Variants in NCBP1 observed in about 807,000 individuals in gnomAD.
NCBP1 encodes nuclear cap-binding protein subunit 1.
NCBP1 carries 16 observed loss-of-function variants against 111.7 expected under a neutral mutation model. The ratio of observed to expected loss-of-function variants is 0.14; its 90% CI spans 0.10 to 0.22. The LOEUF (loss-of-function observed/expected upper bound fraction) is 0.22, where lower values mean the gene tolerates loss of function less well. Among genes scored for constraint, NCBP1 ranks in the 10% least tolerant of loss-of-function variants. NCBP1 has a pLI of 1.00. For missense variants in NCBP1, 607 were observed against 957.5 expected (o/e 0.63, Z 4.83); for synonymous variants, 304 against 314.3 (o/e 0.97, Z 0.35).
At chr9:97,636,268 T>A (rs537320005) in intron 1 of NCBP1, among the ~76,000 whole-genome samples, 255 of 152,026 alleles carry the variant, frequency 1.7e-3, no homozygotes, top group Non-Finnish European at 1.8e-3. Context: ...ATCTATTTTT[T>A]AAAAAATAAA....
rs765495860 is a variant in NCBP1, at chr9:97,669,021, C to G, written c.2145+47C>G. The G allele has an allele frequency of 4.6e-6, 7 of 1,512,596 alleles. No homozygotes were observed. In the South Asian group the frequency reaches 7.5e-5, roughly 16 times the overall value. 93.7% of individuals were successfully genotyped at this position (1,512,596 alleles called of 1,614,324 possible). On this transcript the variant is annotated intron_variant, in intron 21 of 22. Transcript: ENST00000375147. ...ATACATAAAAGGAAACAATACATTT[C>G]TTTAGTTTTAGTTTTTAAAAATGTT...
chr9:97,664,274 TG>T, intron 18 of NCBP1, 65 bp from the exon 19 acceptor site: 1 of 975,820 alleles, frequency 1.0e-6, no homozygotes, highest in Non-Finnish European at 1.5e-6. Context: ...AGCAGCAGTG[TG>T]GTGGCACATA....
rs1587724148 is a variant in NCBP1 at position 97,664,216 on chromosome 9, C to G, written c.1798-124C>G. On this transcript the variant is annotated intron_variant, in intron 18 of 22. Transcript: ENST00000375147. ...TAATGGTCAGATTGATCAATCAATTCCATAGCCACCAAAACTAAATTTTAT... is the reference window on the plus strand; with the variant it reads ...TAATGGTCAGATTGATCAATCAATTGCATAGCCACCAAAACTAAATTTTAT... 5 of 552,632 alleles carry G rather than the reference C, an allele frequency of 9.0e-6. No homozygotes were observed. The East Asian group carries it at 1.5e-4, about 16-fold the overall frequency. The allele number at this position is 552,632 out of a possible 1,614,324, so 34.2% of individuals were successfully genotyped here.
intron 1 of NCBP1, among the ~76,000 whole-genome samples, chr9:97,638,614 A>C (rs1827118674): frequency 6.6e-6 from 1 of 152,218 alleles, no homozygotes; most frequent in South Asian, 2.1e-4. Context: ...TCATTCAGCT[A>C]GTTTTTCAGC....
chr9:97,650,058 G>C (rs1424148437), intron 8 of NCBP1, among the ~76,000 whole-genome samples: 1 of 152,024 alleles, frequency 6.6e-6, no homozygotes, highest in Non-Finnish European at 1.5e-5. Context: ...TGCCATGTAG[G>C]GAATATGTTT....
At chr9:97,671,039 T>TTA in intron 22 of NCBP1, 47 bp from the exon 23 acceptor site, 2 of 1,276,660 alleles carry the variant, frequency 1.6e-6, no homozygotes, top group Non-Finnish European at 2.3e-6. Flanking sequence ...ACAAGATTGC[T>TTA]TATATGCTTT....
Position 97,664,431 on chromosome 9 carries a change from G to A in NCBP1, c.1889G>A (p.Arg630His), listed in dbSNP as rs76139042. Residue 630 changes from arginine (R) to histidine (H), a missense_variant, in exon 19 of 23, where the codon CGT (arginine) becomes CAT (histidine). By Grantham distance (29) the Arg-to-His change is conservative. Around this residue, in one of 9 missense-constraint regions of NCBP1, gnomAD observed 282 missense variants for 376.5 expected, o/e 0.75. Coordinates refer to ENST00000375147, the MANE Select transcript of NCBP1 (RefSeq NM_002486.5). Reference sequence around the variant, plus strand: ...TGGATCTTCTCTTCAGAACTATCTCGTGACTTTACCAGGTAATATAAATTA... The same window carrying A: ...TGGATCTTCTCTTCAGAACTATCTCATGACTTTACCAGGTAATATAAATTA... ...ANWIFSSELS[R>H]DFTRLFVWEI... 1.4e-5 allele frequency: 23 copies of A among 1,602,756 alleles called. No homozygotes were observed. The highest frequency in any genetic ancestry group is 3.3e-5 in the Admixed American group (2 of 59,828).
In NCBP1 at chr9:97,668,710, C is replaced by T. The variant is rs910004748; in HGVS notation, c.2017-136C>T. ...CTTTGAGGTATATATGTGTGGGTGG[C>T]GGGGTGGGGGGGTACTTTCACTATA... is the stretch of plus-strand genomic sequence containing the variant. On this transcript the variant is annotated intron_variant, in intron 20 of 22. Transcript: ENST00000375147. The T allele has an allele frequency of 4.5e-4, 394 of 878,090 alleles. 1 individual carries two copies. The highest frequency in any genetic ancestry group is 5.7e-4 in the Non-Finnish European group (352 of 614,148). The allele number at this position is 878,090 out of a possible 1,614,324, so 54.4% of individuals were successfully genotyped here. A position where few individuals can be genotyped will look rare whatever the true frequency, so the allele number is the denominator to read the frequency against.
chr9:97,670,943 G>T, intron 22 of NCBP1, 143 bp from the exon 23 acceptor site: 1 of 482,388 alleles, frequency 2.1e-6, no homozygotes, highest in South Asian at 4.2e-5. Context: ...GATTTTCAGG[G>T]GTCCATTGTT....
Position 97,648,223 on chromosome 9 carries a change from G to A in NCBP1, c.897G>A (p.Glu299=). The A allele has an allele frequency of 6.2e-7, 1 of 1,613,818 alleles. No homozygotes were observed. Among genetic ancestry groups the A allele is most frequent in the Non-Finnish European group, 8.5e-7 (1 of 1,179,808 alleles). ...FRMFDYTDDP[E]GPVMPGSHSV... is the part of the protein sequence containing the mutation. ...TGTTTGATTACACAGATGATCCCGA[G>A]GTAAGTGACCGACTAAAAGTCCTAG... Residue 299 remains glutamate, a splice_region_variant and synonymous_variant, in exon 8 of 23, where the codon GAG becomes GAA. Coordinates refer to ENST00000375147, the MANE Select transcript of NCBP1 (RefSeq NM_002486.5).
intron 3 of NCBP1, 23 bp from the exon 4 acceptor site, chr9:97,643,181 G>A (rs773627176): frequency 6.4e-7 from 1 of 1,555,448 alleles, no homozygotes; most frequent in Non-Finnish European, 8.6e-7. Context: ...GGGTTTTCTT[G>A]TTATACTGGG....
intron 1 of NCBP1, among the ~76,000 whole-genome samples, chr9:97,640,505 G>C (rs529633339): frequency 2.6e-5 from 4 of 152,204 alleles, no homozygotes; most frequent in South Asian, 2.1e-4. Flanking sequence ...CAGCTTTCCA[G>C]CTTGTCCACA....
chr9:97,665,214 A>G (rs1222795384), intron 19 of NCBP1, among the ~76,000 whole-genome samples: 1 of 152,272 alleles, frequency 6.6e-6, no homozygotes, highest in Non-Finnish European at 1.5e-5. Flanking sequence ...TAAGGTTGTC[A>G]TACCGGCCAG....
At chr9:97,647,607 G>A in intron 7 of NCBP1, 46 bp downstream of exon 7, 2 of 1,449,662 alleles carry the variant, frequency 1.4e-6, no homozygotes, top group Non-Finnish European at 9.7e-7. Flanking sequence ...GTCAGCTCTT[G>A]AATAGATTCT....
At position 97,669,674 on chromosome 9, in the gene NCBP1, T is replaced by C; in HGVS notation, c.2227T>C (p.Cys743Arg). The C allele has an allele frequency of 6.2e-7, 1 of 1,609,626 alleles. No individual in the cohort carries two copies. Among genetic ancestry groups the C allele is most frequent in the Non-Finnish European group, 8.5e-7 (1 of 1,175,970 alleles). The change falls in exon 22 of 23, where the codon TGT becomes CGT. Residue 743 changes from cysteine to arginine, a missense_variant. Around this residue, in one of 9 missense-constraint regions of NCBP1, gnomAD observed 282 missense variants for 376.5 expected, o/e 0.75. Transcript: ENST00000375147. ...TSVLTPWYKN[C>R]IERLQQIFLQ... The stretch of plus-strand genomic sequence containing the variant: ...TGTATTAACACCATGGTATAAGAAC[T>C]GTATAGAGAGGCTGCAGCAGATCTT...
In NCBP1 at chr9:97,645,187, A is replaced by G. The variant is rs1827299657; in HGVS notation, c.452A>G (p.Asn151Ser). Residue 151 changes from asparagine (N) to serine (S), a missense_variant, in exon 5 of 23, where the codon AAT (asparagine) becomes AGT (serine). By Grantham distance (46) the Asn-to-Ser change is conservative. Transcript: ENST00000375147. ...AAPSMVAMFE[N>S]FVSVTQEEDV... The stretch of plus-strand genomic sequence containing the variant: ...CCATCAATGGTTGCTATGTTTGAAA[A>G]TTTTGTAAGCGTAACTCAGGAAGAA... 6.2e-7 allele frequency: 1 copy of G among 1,613,440 alleles called. No individual in the cohort carries two copies. Among genetic ancestry groups the G allele is most frequent in the Non-Finnish European group, 8.5e-7 (1 of 1,179,602 alleles).
chr9:97,637,642 C>G (rs917131677), intron 1 of NCBP1, among the ~76,000 whole-genome samples: 1 of 152,078 alleles, frequency 6.6e-6, no homozygotes, highest in Non-Finnish European at 1.5e-5. Flanking sequence ...TGTTTTAAGT[C>G]TGCGGGCTCA....
At position 97,671,843 on chromosome 9, in the gene NCBP1, G is replaced by A. The variant is rs931128668; in HGVS notation, c.*644G>A. 1 of 152,160 alleles carries A rather than the reference G, an allele frequency of 6.6e-6. No homozygotes were observed. The highest frequency in any genetic ancestry group is 2.4e-5 in the African/African-American group (1 of 41,422). The allele number at this position is 152,160 out of a possible 1,614,324, so 9.4% of individuals were successfully genotyped here. On this transcript the variant is annotated 3_prime_UTR_variant, in exon 23 of 23. Transcript: ENST00000375147. ...ACCTGGGAATCTTTCAAGTTATTTT[G>A]AAATTTAAACCACCGTCTGGGGGTG...
chr9:97,643,575 A>G (rs1827258372), intron 4 of NCBP1, among the ~76,000 whole-genome samples: 1 of 152,134 alleles, frequency 6.6e-6, no homozygotes, highest in Non-Finnish European at 1.5e-5. Context: ...TGCTAGCTGC[A>G]TAGCCTTCAG....
Sources: gnomAD v4.1 joint callset for allele counts (sites outside exome capture counted in the v4.1 genomes callset) on GRCh38, gnomAD v4.1.1 for gene constraint, gnomAD v4.1.1 regional missense constraint, MANE v1.5 for transcripts, NCBI Gene and HGNC (gene_info 2026-07-23, HGNC 2026-07-21) for gene names.